The following PBRM1 variants were observed in gnomAD, a reference collection of about 807,000 sequenced individuals.
PBRM1 encodes protein polybromo-1.
A neutral mutation model predicts 194.5 loss-of-function variants in PBRM1; 27 were observed. The ratio of observed to expected loss-of-function variants is 0.14; its 90% CI spans 0.10 to 0.19. PBRM1 has a LOEUF of 0.19. Ranked by LOEUF, PBRM1 falls within the 10% of genes least tolerant of loss-of-function variation. The probability of loss-of-function intolerance (pLI) is 1.00; values close to 1 mark genes in which losing one functional copy is unlikely to be tolerated. For missense variants in PBRM1, 1,466 were observed against 2,077.2 expected (o/e 0.71, Z 5.72); for synonymous variants, 655 against 693.2 (o/e 0.94, Z 0.87).
At chr3:52,627,929 G>C (rs2095495802) in intron 12 of PBRM1, among the ~76,000 whole-genome samples, 1 of 152,150 alleles carries the variant, frequency 6.6e-6, no homozygotes, top group Non-Finnish European at 1.5e-5. Flanking sequence ...CATATAAAAT[G>C]AAGATTCTAT....
chr3:52,643,189 T>C, intron 9 of PBRM1, 59 bp downstream of exon 10: 3 of 1,173,322 alleles, frequency 2.6e-6, no homozygotes, highest in Admixed American at 1.7e-5. Context: ...GGGCAAATAC[T>C]AGTATGCCTA....
At chr3:52,663,095 A>G (rs2153942974) in intron 3 of PBRM1, among the ~76,000 whole-genome samples, 1 of 152,344 alleles carries the variant, frequency 6.6e-6, no homozygotes, top group Non-Finnish European at 1.5e-5. Context: ...AACTTTAAAA[A>G]TGCATACATG....
intron 13 of PBRM1, among the ~76,000 whole-genome samples, chr3:52,623,267 C>T (rs1181739643): frequency 6.6e-6 from 1 of 152,174 alleles, no homozygotes; most frequent in Non-Finnish European, 1.5e-5. Flanking sequence ...CCACTGCACT[C>T]CAGTCTGGGC....
chr3:52,675,177 A>G (rs1410767271), intron 2 of PBRM1, among the ~76,000 whole-genome samples: 1 of 152,198 alleles, frequency 6.6e-6, no homozygotes, highest in African/African-American at 2.4e-5. Context: ...AAAGACATAC[A>G]AAGCCTGAGT....
chr3:52,658,308 G>C (rs754615251), exon 5 of PBRM1: 2 of 1,564,034 alleles, frequency 1.3e-6, no homozygotes, highest in South Asian at 2.2e-5. Context: ...CAAGTAAGCT[G>C]GAGAAGACTG....
At chr3:52,619,903 T>A (rs1454988263) in intron 13 of PBRM1, among the ~76,000 whole-genome samples, 3 of 152,242 alleles carry the variant, frequency 2.0e-5, no homozygotes, top group Admixed American at 6.5e-5. Flanking sequence ...TGTTTCCTGC[T>A]AGAGTTGGGA....
At chr3:52,662,433 A>G (rs2096743181) in intron 3 of PBRM1, among the ~76,000 whole-genome samples, 157 bp from the exon 5 acceptor site, 1 of 152,232 alleles carries the variant, frequency 6.6e-6, no homozygotes, top group Admixed American at 6.5e-5. Flanking sequence ...CCGCTTCCAA[A>G]AAATTAAGTG....
chr3:52,654,995 G>A (rs144943110), intron 5 of PBRM1, among the ~76,000 whole-genome samples: 62 of 152,160 alleles, frequency 4.1e-4, no homozygotes, highest in African/African-American at 1.4e-3. Flanking sequence ...TCTCAGCTAT[G>A]TTGGCCTCTC....
downstream of PBRM1, chr3:52,545,907 G>A (rs1410719072): frequency 1.7e-5 from 4 of 232,022 alleles, no homozygotes; most frequent in Non-Finnish European, 2.5e-5. Context: ...AAATATTAAC[G>A]ATATCCCCCA....
intron 17 of PBRM1, among the ~76,000 whole-genome samples, chr3:52,601,868 T>C (rs1283593305): frequency 1.3e-5 from 2 of 152,102 alleles, no homozygotes; most frequent in Admixed American, 6.5e-5. Context: ...GGGACCCAAG[T>C]GTTCTGCACC....
At chr3:52,684,894 T>C (rs887982726) in intron 1 of PBRM1, 1 of 152,222 alleles carries the variant, frequency 6.6e-6, no homozygotes, top group Non-Finnish European at 1.5e-5. Context: ...ATTTTGGAGC[T>C]CAAAATCAAA....
At chr3:52,582,346 T>C (rs2091449127) in intron 20 of PBRM1, among the ~76,000 whole-genome samples, 1 of 151,504 alleles carries the variant, frequency 6.6e-6, no homozygotes, top group African/African-American at 2.4e-5. Flanking sequence ...AGAGAGTTCC[T>C]AGAGACTTCT....
intron 15 of PBRM1, among the ~76,000 whole-genome samples, chr3:52,611,383 A>G (rs958240432): frequency 6.6e-6 from 1 of 152,236 alleles, no homozygotes; most frequent in Admixed American, 6.5e-5. Flanking sequence ...GGAAGACCAT[A>G]TATTACCTAT....
chr3:52,633,812 G>A (rs2095702900), intron 11 of PBRM1, among the ~76,000 whole-genome samples: 1 of 151,990 alleles, frequency 6.6e-6, no homozygotes, highest in Admixed American at 6.6e-5. Flanking sequence ...ATTTTCCTTG[G>A]AGAAAGGTCC....
chr3:52,589,587 C>T (rs1576270883), intron 17 of PBRM1, among the ~76,000 whole-genome samples: 1 of 152,126 alleles, frequency 6.6e-6, no homozygotes, highest in Non-Finnish European at 1.5e-5. Context: ...TATGTCGTTT[C>T]GAATCAAGTA....
At chr3:52,548,615 C>G (rs1029313154) in intron 29 of PBRM1, among the ~76,000 whole-genome samples, 2 of 151,988 alleles carry the variant, frequency 1.3e-5, no homozygotes, top group African/African-American at 4.8e-5. Context: ...TTAGTAGAGA[C>G]AGGTTTCACC....
chr3:52,671,303 G>A (rs960003557), intron 2 of PBRM1, among the ~76,000 whole-genome samples: 18 of 152,162 alleles, frequency 1.2e-4, no homozygotes, highest in Admixed American at 1.2e-3. Flanking sequence ...ATTCCACAGA[G>A]GAGCGTCAGA....
rs1195481415 is a variant in PBRM1 at position 52,582,256 on chromosome 3, A to AG, written c.3388-3058_3388-3057insC. Among the ~76,000 whole-genome samples the AG allele has an allele frequency of 3.5e-3, 533 of 150,770 alleles. 2 individuals carry two copies. Among genetic ancestry groups the AG allele is most frequent in the Non-Finnish European group, 6.4e-3 (433 of 67,634 alleles). ...GACTCCGTTTCAAAAAAAAAAAAAAAAGCTCCTGAATGACCTGTCTTGGTC... is the reference window on the plus strand; with the variant it reads ...GACTCCGTTTCAAAAAAAAAAAAAAAGAGCTCCTGAATGACCTGTCTTGGTC... On this transcript the variant is annotated intron_variant, in intron 20 of 29. Transcript: ENST00000296302.
intron 20 of PBRM1, among the ~76,000 whole-genome samples, chr3:52,579,856 T>C (rs2090645258): frequency 6.6e-6 from 1 of 152,210 alleles, no homozygotes; most frequent in African/African-American, 2.4e-5. Flanking sequence ...AGCAGACTCA[T>C]TCATGCATTA....
Sources: gnomAD v4.1 joint callset for allele counts (sites outside exome capture counted in the v4.1 genomes callset) on GRCh38, gnomAD v4.1.1 for gene constraint, MANE v1.5 for transcripts, NCBI Gene and HGNC (gene_info 2026-07-23, HGNC 2026-07-21) for gene names.